ARHGAP10: variants seen among roughly 807,000 people sequenced by gnomAD.
The protein encoded by ARHGAP10 is rho GTPase-activating protein 10.
In ARHGAP10, 87 loss-of-function variants were observed where a neutral mutation model predicts 108.6. The observed-to-expected ratio is 0.80, with a 90% CI of 0.67 to 0.96. ARHGAP10 has a LOEUF of 0.96. ARHGAP10 is among the 40% of genes least tolerant of loss of function. ARHGAP10 has a pLI of 0.00. For missense variants in ARHGAP10, 939 were observed against 954.5 expected, an observed-to-expected ratio of 0.98 and a Z score of 0.21; for synonymous variants, 347 against 341.1, an observed-to-expected ratio of 1.02 and a Z score of -0.19.
chr4:147,736,096 C>G (rs1220917578), intron 1 of ARHGAP10, among the ~76,000 whole-genome samples: 1 of 151,272 alleles, frequency 6.6e-6, no homozygotes, highest in East Asian at 1.9e-4. Context: ...ATAAAATGCT[C>G]TGTAGTGAAC....
intron 20 of ARHGAP10, among the ~76,000 whole-genome samples, chr4:148,049,148 A>T (rs1483952045): frequency 6.6e-6 from 1 of 152,156 alleles, no homozygotes; most frequent in Admixed American, 6.5e-5. Flanking sequence ...AAGTTTGTAT[A>T]TAGATGAGTG....
At chr4:147,813,408 C>T (rs948208759) in intron 1 of ARHGAP10, among the ~76,000 whole-genome samples, 1 of 152,176 alleles carries the variant, frequency 6.6e-6, no homozygotes, top group African/African-American at 2.4e-5. Flanking sequence ...AGATAGCTAC[C>T]TCTGTCATGG....
chr4:147,953,079 T>A (rs1424314203), intron 15 of ARHGAP10, among the ~76,000 whole-genome samples: 1 of 152,006 alleles, frequency 6.6e-6, no homozygotes, highest in Admixed American at 6.6e-5. Flanking sequence ...ATTGATTTTT[T>A]TTTTAGATAT....
At chr4:147,892,460 A>G (rs1027485031) in intron 10 of ARHGAP10, among the ~76,000 whole-genome samples, 3 of 152,216 alleles carry the variant, frequency 2.0e-5, no homozygotes, top group Admixed American at 1.3e-4. Context: ...CTGAGGATAC[A>G]GCAATAAACT....
chr4:147,875,923 C>T (rs553834237), intron 8 of ARHGAP10, among the ~76,000 whole-genome samples: 22 of 152,336 alleles, frequency 1.4e-4, no homozygotes, highest in Middle Eastern at 3.4e-3. Context: ...TGCTAGTTAG[C>T]AGAAGGGATG....
chr4:147,796,299 G>T (rs1731314251), intron 1 of ARHGAP10, among the ~76,000 whole-genome samples: 1 of 152,154 alleles, frequency 6.6e-6, no homozygotes, highest in Non-Finnish European at 1.5e-5. Flanking sequence ...ATATAATCTA[G>T]TGGGAGAGAC....
chr4:147,985,856 C>A (rs1740025415), intron 18 of ARHGAP10, among the ~76,000 whole-genome samples: 1 of 152,152 alleles, frequency 6.6e-6, no homozygotes, highest in Non-Finnish European at 1.5e-5. Flanking sequence ...TTGCGCGGAT[C>A]CCTAGCAGTA....
intron 5 of ARHGAP10, among the ~76,000 whole-genome samples, chr4:147,859,514 TC>T (rs1734229810): frequency 6.6e-6 from 1 of 152,182 alleles, no homozygotes; most frequent in African/African-American, 2.4e-5. Flanking sequence ...CCTCAGGCGA[TC>T]CACCCACCTT....
chr4:147,741,944 T>G (rs1473745998), intron 1 of ARHGAP10, among the ~76,000 whole-genome samples: 1 of 152,122 alleles, frequency 6.6e-6, no homozygotes, highest in Non-Finnish European at 1.5e-5. Flanking sequence ...TAGAATTTCC[T>G]CCCTGTGTTT....
chr4:147,796,702 T>C (rs1731331671), intron 1 of ARHGAP10, among the ~76,000 whole-genome samples: 2 of 152,074 alleles, frequency 1.3e-5, no homozygotes, highest in Non-Finnish European at 2.9e-5. Flanking sequence ...ATTTTTTGTA[T>C]TTTTAGTAGA....
chr4:147,738,703 C>G (rs1728531310), intron 1 of ARHGAP10, among the ~76,000 whole-genome samples: 1 of 152,158 alleles, frequency 6.6e-6, no homozygotes, highest in Non-Finnish European at 1.5e-5. Flanking sequence ...TATCAAGGCC[C>G]TGTTCTTGCC....
At chr4:147,938,365 A>G (rs1462984406) in intron 13 of ARHGAP10, among the ~76,000 whole-genome samples, 1 of 152,204 alleles carries the variant, frequency 6.6e-6, no homozygotes, top group Non-Finnish European at 1.5e-5. Context: ...TGAACTTAAA[A>G]GTTAAAAAAA....
chr4:147,951,535 G>A (rs1237482943), intron 15 of ARHGAP10, among the ~76,000 whole-genome samples: 1 of 150,826 alleles, frequency 6.6e-6, no homozygotes, highest in Non-Finnish European at 1.5e-5. Flanking sequence ...GTGTTTGTAT[G>A]TATATACTAT....
chr4:147,856,969 C>T (rs1462574558), intron 4 of ARHGAP10, among the ~76,000 whole-genome samples: 3 of 152,206 alleles, frequency 2.0e-5, no homozygotes, highest in Non-Finnish European at 4.4e-5. Context: ...TCTCACGCCT[C>T]AGCCTCCTGA....
Position 148,013,888 on chromosome 4 carries a change from A to G in ARHGAP10, c.1717-9375A>G, listed in dbSNP as rs191621399. 1.1e-3 allele frequency among the ~76,000 whole-genome samples: 175 copies of G among 152,312 alleles called. 1 individual carries two copies. The highest frequency in any genetic ancestry group is 3.1e-3 in the Admixed American group (48 of 15,304). ...TTTTTATCAGGGTTCTCACTAGCCCAGGAGAGGAAGTCCTCTTCTTGGGTA... is the reference window on the plus strand; with the variant it reads ...TTTTTATCAGGGTTCTCACTAGCCCGGGAGAGGAAGTCCTCTTCTTGGGTA... On this transcript the variant is annotated intron_variant, in intron 18 of 22. Coordinates refer to ENST00000336498, the MANE Select transcript of ARHGAP10 (RefSeq NM_024605.4).
intron 18 of ARHGAP10, among the ~76,000 whole-genome samples, chr4:147,976,550 T>G (rs1739604299): frequency 1.3e-5 from 2 of 151,942 alleles, no homozygotes; most frequent in Non-Finnish European, 2.9e-5. Flanking sequence ...GGTTTTTTTT[T>G]TTTTTTCTTC....
rs893040110 is a variant in ARHGAP10 at position 147,915,257 on chromosome 4, A to C, written c.1228+2118A>C. ...ACATTCTCTTACAGTGGCAATTCAC[A>C]CTGGCAGGTTTTCATTCATTTCAAT... On this transcript the variant is annotated intron_variant, in intron 13 of 22. Coordinates refer to ENST00000336498, the MANE Select transcript of ARHGAP10 (RefSeq NM_024605.4). 2.0e-5 allele frequency among the ~76,000 whole-genome samples: 3 copies of C among 152,224 alleles called. No individual in the cohort carries two copies. In the East Asian group the frequency reaches 5.8e-4, roughly 29 times the overall value.
At chr4:147,987,033 G>T (rs1419722679) in intron 18 of ARHGAP10, among the ~76,000 whole-genome samples, 1 of 152,206 alleles carries the variant, frequency 6.6e-6, no homozygotes, top group East Asian at 1.9e-4. Flanking sequence ...GATTATTGCG[G>T]ATTGAACTGA....
chr4:147,753,796 A>C (rs1320361650), intron 1 of ARHGAP10, among the ~76,000 whole-genome samples: 4 of 152,208 alleles, frequency 2.6e-5, no homozygotes, highest in Admixed American at 6.5e-5. Context: ...ATGAATGTTG[A>C]AAATTTACAT....
Sources: gnomAD v4.1 joint callset for allele counts (sites outside exome capture counted in the v4.1 genomes callset) on GRCh38, gnomAD v4.1.1 for gene constraint, MANE v1.5 for transcripts, NCBI Gene and HGNC (gene_info 2026-07-23, HGNC 2026-07-21) for gene names.